The following ATXN10 variants were observed in gnomAD, a reference collection of about 807,000 sequenced individuals.
The protein encoded by ATXN10 is ataxin-10.
Under a neutral mutation model 52.9 loss-of-function variants are expected in ATXN10, and 28 were observed. That is an observed-to-expected ratio of 0.53 (90% CI 0.39 to 0.73). The LOEUF (loss-of-function observed/expected upper bound fraction) is 0.73. Ranked by LOEUF, ATXN10 falls within the 30% of genes least tolerant of loss-of-function variation. ATXN10 has a pLI of 0.00. For synonymous variants in ATXN10, 226 were observed against 221.5 expected (o/e 1.02, Z -0.18); for missense variants, 565 against 577.0 (o/e 0.98, Z 0.21).
chr22:45,843,027 T>G lies in ATXN10; in HGVS notation c.1274T>G (p.Leu425Arg). 1 of 1,614,170 alleles carries G rather than the reference T, an allele frequency of 6.2e-7. No homozygotes were observed. Among genetic ancestry groups the G allele is most frequent in the Non-Finnish European group, 8.5e-7 (1 of 1,180,028 alleles). Residue 425 changes from leucine (L) to arginine (R), a missense_variant, in exon 11 of 12, where the codon CTT becomes CGT. Coordinates refer to ENST00000252934, the MANE Select transcript of ATXN10 (RefSeq NM_013236.4). The surrounding 1 kb of genome is among the most constrained non-coding windows in gnomAD (Gnocchi z 4.5). ...TQWVIYAIRN[L>R]TEDNSQNQDL... ...TGGGTGATATATGCCATCCGAAACC[T>G]TACCGAAGACAACAGCCAAAACCAA...
At chr22:45,697,699 G>T (rs1209345614) in intron 3 of ATXN10, among the ~76,000 whole-genome samples, 2 of 151,986 alleles carry the variant, frequency 1.3e-5, no homozygotes, top group African/African-American at 4.8e-5. Context: ...GGGCGATCTC[G>T]GCTCACTGCA....
chr22:45,689,499 A>T (rs1184481184), intron 1 of ATXN10: 1 of 591,052 alleles, frequency 1.7e-6, no homozygotes, highest in East Asian at 2.9e-5. Context: ...GCAGAGACTG[A>T]GATAATACAT....
rs760410800 is a variant in ATXN10 at position 45,762,266 on chromosome 22, G to T, written c.1173+21728G>T. On this transcript the variant is annotated intron_variant, in intron 9 of 11. Transcript: ENST00000252934. This position sits in a 1 kb window ranked among gnomAD's most constrained non-coding sequence, Gnocchi z 4.3. ...CCAGCGTGCGTTTCTTTCTGGAGGC[G>T]CAGGGACCTCGGCTTATTTTTCTCT... is the stretch of plus-strand genomic sequence containing the variant. Among the ~76,000 whole-genome samples, 5 of 152,288 alleles carry T rather than the reference G, an allele frequency of 3.3e-5. No homozygotes were observed. Among genetic ancestry groups the T allele is most frequent in the Admixed American group, 1.3e-4 (2 of 15,298 alleles).
chr22:45,798,871 C>T, intron 9 of ATXN10, among the ~76,000 whole-genome samples: 1 of 152,128 alleles, frequency 6.6e-6, no homozygotes. Flanking sequence ...TTAAATGCCA[C>T]ATACAATAGC....
rs1336706919 is a variant in ATXN10, at chr22:45,683,502, T to C, written c.117-6210T>C. ...TCCCTGTGACGTGCTCTGTATGCCT[T>C]TGCCTCTAGTCCAAGCTCTTCTCCC... On this transcript the variant is annotated intron_variant, in intron 1 of 11. Transcript: ENST00000252934. The surrounding 1 kb of genome is among the most constrained non-coding windows in gnomAD (Gnocchi z 4.8). Among the ~76,000 whole-genome samples, 1 of 152,118 alleles carries C rather than the reference T, an allele frequency of 6.6e-6. No homozygotes were observed. The highest frequency in any genetic ancestry group is 1.5e-5 in the Non-Finnish European group (1 of 68,018).
chr22:45,776,388 A>G (rs769435959), intron 9 of ATXN10, among the ~76,000 whole-genome samples: 13 of 152,210 alleles, frequency 8.5e-5, no homozygotes, highest in Admixed American at 5.9e-4. Context: ...GATGCGTGAC[A>G]TGGATATTTT....
intron 6 of ATXN10, among the ~76,000 whole-genome samples, chr22:45,722,410 A>G (rs1924689153): frequency 6.6e-6 from 1 of 152,248 alleles, no homozygotes. Flanking sequence ...TAATGTAAGT[A>G]GGATCATTTA....
In ATXN10 at chr22:45,820,306, C is replaced by G. The variant is rs1225095979; in HGVS notation, c.1237+13284C>G. On this transcript the variant is annotated intron_variant, in intron 10 of 11. Coordinates refer to ENST00000252934, the MANE Select transcript of ATXN10 (RefSeq NM_013236.4). The surrounding 1 kb of genome is among the most constrained non-coding windows in gnomAD (Gnocchi z 4.9). The stretch of plus-strand genomic sequence containing the variant: ...GGAAGATGCAAGCTCTGATCACCGT[C>G]TAGTTGGAGAAACAGGCCATTGTGA... 6.6e-6 allele frequency among the ~76,000 whole-genome samples: 1 copy of G among 152,202 alleles called. No homozygotes were observed. Among genetic ancestry groups the G allele is most frequent in the Non-Finnish European group, 1.5e-5 (1 of 68,038 alleles).
In ATXN10 at chr22:45,840,469, G is replaced by A. The variant is rs541302553; in HGVS notation, c.1238-2522G>A. On this transcript the variant is annotated intron_variant, in intron 10 of 11. Transcript: ENST00000252934. This position sits in a 1 kb window ranked among gnomAD's most constrained non-coding sequence, Gnocchi z 5.8. ...GTCTCGAAGGCTAAGTGTGCCCCAT[G>A]AGAAAGGAAGCAGCAGTGAGGGAAG... Among the ~76,000 whole-genome samples, 2 of 152,338 alleles carry A rather than the reference G, an allele frequency of 1.3e-5. No homozygotes were observed. The highest frequency in any genetic ancestry group is 3.9e-4 in the East Asian group (2 of 5,180).
At chr22:45,803,992 A>G (rs973275415) in intron 9 of ATXN10, among the ~76,000 whole-genome samples, 7 of 152,184 alleles carry the variant, frequency 4.6e-5, no homozygotes, top group Non-Finnish European at 8.8e-5. Flanking sequence ...TCTTTCCCTC[A>G]AACCATCCTG....
chr22:45,756,104 T>C (rs568264550), intron 9 of ATXN10, among the ~76,000 whole-genome samples: 8 of 152,198 alleles, frequency 5.3e-5, no homozygotes, highest in Non-Finnish European at 1.2e-4. Context: ...TTCCATGTTA[T>C]CGTAAATTAA....
Position 45,708,857 on chromosome 22 carries a change from T to G in ATXN10, c.647+6010T>G, listed in dbSNP as rs540000178. ...GGTTTCATCATGTCAGCCAGCCTGG[T>G]CTTGAACTCCTGACCTCAGGTGATC... On this transcript the variant is annotated intron_variant, in intron 5 of 11. Coordinates refer to ENST00000252934, the MANE Select transcript of ATXN10 (RefSeq NM_013236.4). The surrounding 1 kb of genome is among the most constrained non-coding windows in gnomAD (Gnocchi z 5.3). 2.0e-5 allele frequency among the ~76,000 whole-genome samples: 3 copies of G among 152,278 alleles called. No individual in the cohort carries two copies. The highest frequency in any genetic ancestry group is 6.5e-5 in the Admixed American group (1 of 15,302).
At chr22:45,717,005 A>C (rs1275435316) in intron 5 of ATXN10, among the ~76,000 whole-genome samples, 1 of 152,084 alleles carries the variant, frequency 6.6e-6, no homozygotes, top group African/African-American at 2.4e-5. Flanking sequence ...AAGCCCTAAT[A>C]GTATTTTGTT....
intron 6 of ATXN10, among the ~76,000 whole-genome samples, chr22:45,726,702 T>A (rs181880788): frequency 3.9e-5 from 6 of 152,322 alleles, no homozygotes; most frequent in African/African-American, 1.4e-4. Flanking sequence ...GGCTTGTTCT[T>A]CTTGAGACAG....
chr22:45,718,326 G>A lies in ATXN10; in HGVS notation c.648-87G>A, dbSNP rs974822707. The A allele has an allele frequency of 1.4e-5, 13 of 957,826 alleles. No homozygotes were observed. In the African/African-American group the frequency reaches 1.8e-4, roughly 13 times the overall value. The allele number at this position is 957,826 out of a possible 1,614,324, so 59.3% of individuals were successfully genotyped here. ...ATTCACTGAAAAGAAATGCTTTTGTGTGTAAGTGGTGCCTATAAAGTAGAT... is the reference window on the plus strand; with the variant it reads ...ATTCACTGAAAAGAAATGCTTTTGTATGTAAGTGGTGCCTATAAAGTAGAT... On this transcript the variant is annotated intron_variant, in intron 5 of 11. Transcript: ENST00000252934. This position sits in a 1 kb window ranked among gnomAD's most constrained non-coding sequence, Gnocchi z 4.4.
intron 9 of ATXN10, among the ~76,000 whole-genome samples, chr22:45,796,675 C>T (rs1042040240): frequency 1.3e-5 from 2 of 152,218 alleles, no homozygotes; most frequent in Non-Finnish European, 2.9e-5. Context: ...GGGGCTGGTT[C>T]CCCCGATAGA....
chr22:45,793,481 ATCTC>A, intron 9 of ATXN10: 1 of 972,046 alleles, frequency 1.0e-6, no homozygotes, highest in Non-Finnish European at 1.3e-6. Context: ...CATTTAATAA[ATCTC>A]TCACTGCTCC....
intron 9 of ATXN10, among the ~76,000 whole-genome samples, chr22:45,788,904 C>T (rs565191415): frequency 6.6e-6 from 1 of 152,152 alleles, no homozygotes; most frequent in Non-Finnish European, 1.5e-5. Flanking sequence ...CCACCTCACC[C>T]TCCGAAAGCA....
chr22:45,766,881 G>A lies in ATXN10; in HGVS notation c.1173+26343G>A, dbSNP rs1421977388. Among the ~76,000 whole-genome samples the A allele has an allele frequency of 6.6e-6, 1 of 152,056 alleles. No homozygotes were observed. The highest frequency in any genetic ancestry group is 1.5e-5 in the Non-Finnish European group (1 of 68,000). ...ATGAATAGACAGTTTACAGAAAAAC[G>A]CAAAGGTGAAACAGTGCTCAACTTT... On this transcript the variant is annotated intron_variant, in intron 9 of 11. Transcript: ENST00000252934. This position sits in a 1 kb window ranked among gnomAD's most constrained non-coding sequence, Gnocchi z 4.6.
Sources: allele counts gnomAD v4.1 joint callset (sites outside exome capture counted in the v4.1 genomes callset), GRCh38; gene constraint gnomAD v4.1.1; non-coding constraint Gnocchi (gnomAD v3.1); transcripts MANE v1.5; gene names NCBI Gene and HGNC (gene_info 2026-07-23, HGNC 2026-07-21).